PAFAH1B1: variants seen among roughly 807,000 people sequenced by gnomAD.
PAFAH1B1 encodes the protein platelet-activating factor acetylhydrolase IB subunit beta.
PAFAH1B1 carries 2 observed loss-of-function variants against 57.5 expected under a neutral mutation model. That is an observed-to-expected ratio of 0.03 (90% CI 0.01 to 0.11). The LOEUF (loss-of-function observed/expected upper bound fraction) is 0.11. PAFAH1B1 is among the 10% of genes least tolerant of loss of function. The probability of loss-of-function intolerance (pLI) is 1.00; values close to 1 mark genes in which losing one functional copy is unlikely to be tolerated. For missense variants in PAFAH1B1, 257 were observed against 512.0 expected, an observed-to-expected ratio of 0.50 and a Z score of 4.81; for synonymous variants, 152 against 169.6, an observed-to-expected ratio of 0.90 and a Z score of 0.81.
chr17:2,601,299 G>A (rs2068141249), intron 1 of PAFAH1B1, among the ~76,000 whole-genome samples: 1 of 151,462 alleles, frequency 6.6e-6, no homozygotes, highest in Non-Finnish European at 1.5e-5. Flanking sequence ...CCTGCCCAGT[G>A]AAGTTTTTTG....
At chr17:2,635,140 C>G (rs1316898224) in intron 1 of PAFAH1B1, among the ~76,000 whole-genome samples, 11 of 137,530 alleles carry the variant, frequency 8.0e-5, no homozygotes, top group Non-Finnish European at 1.4e-4. Flanking sequence ...TCCTGGGCAA[C>G]AAGAGTGAAA....
chr17:2,593,976 G>C lies in PAFAH1B1; in HGVS notation c.-221G>C. On this transcript the variant is annotated 5_prime_UTR_variant, in exon 1 of 11. Transcript: ENST00000397195. Reference sequence around the variant, plus strand: ...GTGGATGGGAGTGAAGGACGGAAGAGGCCCTGCGGAGGCGGCGGTGCAGCG... The same window carrying C: ...GTGGATGGGAGTGAAGGACGGAAGACGCCCTGCGGAGGCGGCGGTGCAGCG... 1 of 394,708 alleles carries C rather than the reference G, an allele frequency of 2.5e-6. No homozygotes were observed. 24.5% of individuals were successfully genotyped at this position (394,708 alleles called of 1,614,324 possible).
chr17:2,622,596 G>A (rs554910194), intron 1 of PAFAH1B1, among the ~76,000 whole-genome samples: 2 of 152,244 alleles, frequency 1.3e-5, no homozygotes, highest in Admixed American at 6.5e-5. Context: ...TGCAGGGTAC[G>A]GCCTCCCTCC....
chr17:2,603,367 T>A (rs573645504), intron 1 of PAFAH1B1, among the ~76,000 whole-genome samples: 3 of 152,278 alleles, frequency 2.0e-5, no homozygotes, highest in Middle Eastern at 3.4e-3. Flanking sequence ...ACGCCTGTAA[T>A]CCCAGCACTT....
At chr17:2,661,903 T>G (rs938057354) in intron 2 of PAFAH1B1, 3 of 152,082 alleles carry the variant, frequency 2.0e-5, no homozygotes, top group African/African-American at 7.2e-5. Flanking sequence ...TACAAAAAAT[T>G]AGCTGGGCGT....
rs1199176687 is a variant in PAFAH1B1 at position 2,682,763 on chromosome 17, A to AGGAAT, written c.*962_*966dup. The stretch of plus-strand genomic sequence containing the variant: ...TGTGTGCCCATTTGAAAGGAGTGGG[A>AGGAAT]GGAATACAGCAGTTTGTTTTTCAAC... On this transcript the variant is annotated 3_prime_UTR_variant, in exon 11 of 11. Coordinates refer to ENST00000397195, the MANE Select transcript of PAFAH1B1 (RefSeq NM_000430.4). 2 of 152,784 alleles carry AGGAAT rather than the reference A, an allele frequency of 1.3e-5. No individual in the cohort carries two copies. The highest frequency in any genetic ancestry group is 2.9e-5 in the Non-Finnish European group (2 of 68,052). The allele number at this position is 152,784 out of a possible 1,614,324, so 9.5% of individuals were successfully genotyped here.
intron 2 of PAFAH1B1, among the ~76,000 whole-genome samples, chr17:2,662,539 G>A (rs908173164): frequency 1.3e-5 from 2 of 151,658 alleles, no homozygotes; most frequent in African/African-American, 4.8e-5. Flanking sequence ...AAGTAGCTGG[G>A]ATTACAGGCT....
In PAFAH1B1 at chr17:2,674,103, A is replaced by T; in HGVS notation, c.715A>T (p.Met239Leu). 6.2e-7 allele frequency: 1 copy of T among 1,614,078 alleles called. No individual in the cohort carries two copies. Among genetic ancestry groups the T allele is most frequent in the Non-Finnish European group, 8.5e-7 (1 of 1,180,012 alleles). The part of the protein sequence containing the change: ...TFTGHREWVR[M>L]VRPNQDGTLI... The stretch of plus-strand genomic sequence containing the variant: ...CACAGGACACAGAGAATGGGTACGT[A>T]TGGTACGGCCAAATCAAGATGGCAC... Residue 239 changes from methionine to leucine, a missense_variant, in exon 8 of 11, where the codon ATG becomes TTG. Met to Leu is a conservative substitution (Grantham distance 15). Transcript: ENST00000397195.
intron 2 of PAFAH1B1, among the ~76,000 whole-genome samples, chr17:2,662,184 G>A (rs75882653): frequency 6.6e-6 from 1 of 151,942 alleles, no homozygotes; most frequent in African/African-American, 2.4e-5. Context: ...AAAATCGAAT[G>A]CTGGCATTTT....
chr17:2,612,537 T>TA (rs1185023650), intron 1 of PAFAH1B1, among the ~76,000 whole-genome samples: 1 of 151,046 alleles, frequency 6.6e-6, no homozygotes, highest in East Asian at 2.0e-4. Context: ...GTGAAATAGA[T>TA]ACTACTATTA....
intron 1 of PAFAH1B1, among the ~76,000 whole-genome samples, chr17:2,610,187 C>T (rs1045424269): frequency 2.6e-5 from 4 of 152,088 alleles, no homozygotes; most frequent in South Asian, 2.1e-4. Context: ...TATTTCTAGC[C>T]GACTCAGACT....
At chr17:2,608,307 A>G (rs1289971697) in intron 1 of PAFAH1B1, among the ~76,000 whole-genome samples, 1 of 152,068 alleles carries the variant, frequency 6.6e-6, no homozygotes, top group Non-Finnish European at 1.5e-5. Context: ...GCTGGTCTCG[A>G]ACTCCTGACC....
chr17:2,594,760 G>C (rs960567989), intron 1 of PAFAH1B1, among the ~76,000 whole-genome samples: 1 of 152,164 alleles, frequency 6.6e-6, no homozygotes, highest in Non-Finnish European at 1.5e-5. Flanking sequence ...TTAACATTCA[G>C]CTTCGAGGCT....
Position 2,638,305 on chromosome 17 carries a change from G to T in PAFAH1B1, c.17G>T (p.Arg6Ile). The change falls in exon 2 of 11, where the codon AGA (arginine) becomes ATA (isoleucine). Residue 6 changes from arginine (R) to isoleucine (I), a missense_variant. Arg to Ile is a moderately conservative substitution (Grantham distance 97). Coordinates refer to ENST00000397195, the MANE Select transcript of PAFAH1B1 (RefSeq NM_000430.4). Reference sequence around the variant, plus strand: ...ACAGCCAAGATGGTGCTGTCCCAGAGACAACGAGATGAACTGTAAGTTTCT... The same window carrying T: ...ACAGCCAAGATGGTGCTGTCCCAGATACAACGAGATGAACTGTAAGTTTCT... MVLSQ[R>I]QRDELNRAIA... 1 of 1,612,960 alleles carries T rather than the reference G, an allele frequency of 6.2e-7. No homozygotes were observed. The highest frequency in any genetic ancestry group is 8.5e-7 in the Non-Finnish European group (1 of 1,179,634).
rs1280949458 is a variant in PAFAH1B1 at position 2,593,902 on chromosome 17, C to CCCTCCCTCCCTCCTT, written c.-284_-270dup. 7 of 198,022 alleles carry CCCTCCCTCCCTCCTT rather than the reference C, an allele frequency of 3.5e-5. No homozygotes were observed. In the East Asian group the frequency reaches 4.8e-4, roughly 13 times the overall value. The allele number at this position is 198,022 out of a possible 1,614,324, so 12.3% of individuals were successfully genotyped here. The stretch of plus-strand genomic sequence containing the variant: ...CAGCGCGCCATCCTCCCCCCTCCTT[C>CCCTCCCTCCCTCCTT]CCTCCCTCCCTCCTTCCTCCCTCCC... On this transcript the variant is annotated 5_prime_UTR_variant, in exon 1 of 11. Transcript: ENST00000397195.
intron 7 of PAFAH1B1, chr17:2,673,687 T>A: frequency 4.4e-6 from 1 of 228,328 alleles, no homozygotes. Flanking sequence ...TATACCTCTG[T>A]TAGGCTGAAT....
chr17:2,624,439 A>G (rs1375257138), intron 1 of PAFAH1B1, among the ~76,000 whole-genome samples: 3 of 152,184 alleles, frequency 2.0e-5, no homozygotes, highest in Non-Finnish European at 4.4e-5. Flanking sequence ...GAACAAGAAA[A>G]GGTTTAATTG....
intron 1 of PAFAH1B1, among the ~76,000 whole-genome samples, chr17:2,598,086 A>C (rs903903090): frequency 6.6e-6 from 1 of 151,938 alleles, no homozygotes; most frequent in Non-Finnish European, 1.5e-5. Flanking sequence ...GTCTCTACTA[A>C]AAATACAAAA....
intron 1 of PAFAH1B1, among the ~76,000 whole-genome samples, chr17:2,626,650 G>A (rs1007221362): frequency 3.6e-5 from 5 of 140,842 alleles, no homozygotes; most frequent in Non-Finnish European, 6.0e-5. Context: ...TGACTCCCTG[G>A]TTCAAGCAAT....
Sources: allele counts gnomAD v4.1 joint callset (sites outside exome capture counted in the v4.1 genomes callset), GRCh38; gene constraint gnomAD v4.1.1; transcripts MANE v1.5; gene names NCBI Gene and HGNC (gene_info 2026-07-23, HGNC 2026-07-21).